Variants in MMRN2 observed in about 807,000 individuals in gnomAD.
The protein encoded by MMRN2 is multimerin-2.
MMRN2 carries 53 observed loss-of-function variants against 68.8 expected under a neutral mutation model. That is an observed-to-expected ratio of 0.77 (90% CI 0.62 to 0.97). The LOEUF (loss-of-function observed/expected upper bound fraction) is 0.97. MMRN2 is among the 50% of genes least tolerant of loss of function. The pLI is 0.00. For missense variants in MMRN2, 1,266 were observed against 1,259.5 expected (o/e 1.01, Z -0.08); for synonymous variants, 564 against 551.6 (o/e 1.02, Z -0.32).
Position 86,943,976 on chromosome 10 carries a change from G to T in MMRN2, c.808C>A (p.Arg270Ser), listed in dbSNP as rs761816310. 2 of 1,614,008 alleles carry T rather than the reference G, an allele frequency of 1.2e-6. No individual in the cohort carries two copies. The highest frequency in any genetic ancestry group is 3.3e-5 in the Admixed American group (2 of 60,012). The change falls in exon 6 of 7, where the codon CGC (arginine) becomes AGC (serine). Residue 270 changes from arginine to serine, a missense_variant. Coordinates refer to ENST00000372027, the MANE Select transcript of MMRN2 (RefSeq NM_024756.3). This position sits in a 1 kb window ranked among gnomAD's most constrained non-coding sequence, Gnocchi z 4.2. ...TCCTGGACTCTGGAGATGGCCTGGCGGTTGGCCTCCACGTCAAGAGACAGG... is the reference window on the plus strand; with the variant it reads ...TCCTGGACTCTGGAGATGGCCTGGCTGTTGGCCTCCACGTCAAGAGACAGG... Reference protein sequence around the residue: ...RNLSLDVEANRQAISRVQDSA... With the variant: ...RNLSLDVEANSQAISRVQDSA...
intron 4 of MMRN2, 162 bp from the exon 5 acceptor site, chr10:86,944,597 T>C (rs1179496602): frequency 1.5e-6 from 1 of 683,534 alleles, no homozygotes; most frequent in Non-Finnish European, 2.4e-6. Flanking sequence ...GGCAAATGCA[T>C]AGCAAGTGAG....
intron 1 of MMRN2, among the ~76,000 whole-genome samples, chr10:86,953,847 C>A (rs12416136): frequency 0.43 from 65,964 of 152,114 alleles, 15,129 homozygotes; most frequent in East Asian, 0.7. Context: ...GTGACTGGGA[C>A]TTTCCACCTC....
rs976154456 is a variant in MMRN2, at chr10:86,944,500, C to A, written c.482-65G>T. 7.0e-6 allele frequency: 11 copies of A among 1,566,356 alleles called. No individual in the cohort carries two copies. In the East Asian group the frequency reaches 1.8e-4, roughly 26 times the overall value. On this transcript the variant is annotated intron_variant, in intron 4 of 6. Coordinates refer to ENST00000372027, the MANE Select transcript of MMRN2 (RefSeq NM_024756.3). ...CCAGGCCTGGGAAGATCACAAGGTT[C>A]AGAGAAGGAGAGTTGAAGGCTGAGA...
At position 86,936,900 on chromosome 10, in the gene MMRN2, C is replaced by G; in HGVS notation, c.2693G>C (p.Cys898Ser). 1 of 1,614,238 alleles carries G rather than the reference C, an allele frequency of 6.2e-7. No individual in the cohort carries two copies. The highest frequency in any genetic ancestry group is 1.1e-5 in the South Asian group (1 of 91,082). The stretch of plus-strand genomic sequence containing the variant: ...GCTTCCACTCCCCTGCCCAGTGGTA[C>G]AGACTGGAGTCCGATGGTGACCTCC... ...VFGGHHRTPV[C>S]TTGQGSGSTA... The change falls in exon 7 of 7, where the codon TGT becomes TCT. Residue 898 changes from cysteine (C) to serine (S), a missense_variant. By Grantham distance (112) the Cys-to-Ser change is moderately radical. Coordinates refer to ENST00000372027, the MANE Select transcript of MMRN2 (RefSeq NM_024756.3).
intron 1 of MMRN2, among the ~76,000 whole-genome samples, 164 bp downstream of exon 1, chr10:86,957,214 A>G (rs1463224296): frequency 6.6e-6 from 1 of 152,188 alleles, no homozygotes; most frequent in Non-Finnish European, 1.5e-5. Flanking sequence ...ATCCTGAAAC[A>G]CCCAGTCCAG....
At chr10:86,939,506 G>A (rs1300989169) in intron 6 of MMRN2, among the ~76,000 whole-genome samples, 1 of 144,876 alleles carries the variant, frequency 6.9e-6, no homozygotes, top group African/African-American at 2.5e-5. Flanking sequence ...TTGTGCCCAA[G>A]TCAGAGGCCG....
intron 6 of MMRN2, among the ~76,000 whole-genome samples, chr10:86,942,100 C>G (rs897383146): frequency 6.6e-6 from 1 of 152,184 alleles, no homozygotes; most frequent in African/African-American, 2.4e-5. Context: ...CTGGCACTAG[C>G]AGGTGGTTCT....
At chr10:86,956,737 C>T (rs1397971664) in intron 1 of MMRN2, among the ~76,000 whole-genome samples, 1 of 152,224 alleles carries the variant, frequency 6.6e-6, no homozygotes, top group Admixed American at 6.5e-5. Context: ...TAAACAGCAC[C>T]TGCTGCTCTG....
chr10:86,948,651 A>G (rs1258876665), intron 1 of MMRN2: 2 of 152,230 alleles, frequency 1.3e-5, no homozygotes, highest in East Asian at 3.9e-4. Context: ...GATGGAGAAA[A>G]TCATCAATGA....
Position 86,943,528 on chromosome 10 carries a change from G to T in MMRN2, c.1256C>A (p.Ser419Ter), listed in dbSNP as rs1259999856. 6.2e-7 allele frequency: 1 copy of T among 1,614,106 alleles called. No homozygotes were observed. The highest frequency in any genetic ancestry group is 1.1e-5 in the South Asian group (1 of 91,092). Reference sequence around the variant, plus strand: ...GCTAATCTGATCGAAAGTCTCGTCCGATTCGGAGTACAGTTCCTTGATCTC... The same window carrying T: ...GCTAATCTGATCGAAAGTCTCGTCCTATTCGGAGTACAGTTCCTTGATCTC... ...VDEIKELYSE[S>*]DETFDQISKV... is the part of the protein sequence containing the mutation. The change falls in exon 6 of 7, where the codon TCG (serine) becomes TAG (stop). Residue 419 changes from serine (S) to a stop codon, truncating the protein, a stop_gained. Transcript: ENST00000372027. LOFTEE classifies it high-confidence loss of function. This position sits in a 1 kb window ranked among gnomAD's most constrained non-coding sequence, Gnocchi z 4.2.
In MMRN2 at chr10:86,935,677, TAAA is replaced by T. The variant is rs1219361284; in HGVS notation, c.*1063_*1065del. 3.9e-5 allele frequency: 6 copies of T among 152,162 alleles called. No individual in the cohort carries two copies. The highest frequency in any genetic ancestry group is 1.4e-4 in the African/African-American group (6 of 41,430). The allele number at this position is 152,162 out of a possible 1,614,324, so 9.4% of individuals were successfully genotyped here. A position where few individuals can be genotyped will look rare whatever the true frequency, so the allele number is the denominator to read the frequency against. ...GATGGTCCTAAGATACTGGAGGAAGTAAAAAAGTTGAAGGCCCTACATATTTTA... is the reference window on the plus strand; with the variant it reads ...GATGGTCCTAAGATACTGGAGGAAGTAAAGTTGAAGGCCCTACATATTTTA... On this transcript the variant is annotated 3_prime_UTR_variant, in exon 7 of 7. Coordinates refer to ENST00000372027, the MANE Select transcript of MMRN2 (RefSeq NM_024756.3).
chr10:86,954,835 G>T (rs533606886), intron 1 of MMRN2, among the ~76,000 whole-genome samples: 1 of 145,556 alleles, frequency 6.9e-6, no homozygotes, highest in Non-Finnish European at 1.5e-5. Context: ...CAGGGGTCGG[G>T]GGTGGGGGTG....
In MMRN2 at chr10:86,942,710, T is replaced by A. The variant is rs1843992592; in HGVS notation, c.2074A>T (p.Thr692Ser). ...TCCCGCGCCAGCCCGGCCAGGGCGG[T>A]GGTGGCGGCCTCCTCGCGGCCCGCG... ...HDAGREEAAT[T>S]ALAGLARELQ... The change falls in exon 6 of 7, where the codon ACC (threonine) becomes TCC (serine). Residue 692 changes from threonine (T) to serine (S), a missense_variant. By Grantham distance (58) the Thr-to-Ser change is moderately conservative. Coordinates refer to ENST00000372027, the MANE Select transcript of MMRN2 (RefSeq NM_024756.3). 6.6e-7 allele frequency: 1 copy of A among 1,508,132 alleles called. No homozygotes were observed. Among genetic ancestry groups the A allele is most frequent in the Non-Finnish European group, 8.8e-7 (1 of 1,137,140 alleles). The allele number at this position is 1,508,132 out of a possible 1,614,324, so 93.4% of individuals were successfully genotyped here. A position where few individuals can be genotyped will look rare whatever the true frequency, so the allele number is the denominator to read the frequency against.
chr10:86,950,183 A>C (rs1407940585), intron 1 of MMRN2, among the ~76,000 whole-genome samples: 2 of 151,996 alleles, frequency 1.3e-5, no homozygotes, highest in Non-Finnish European at 2.9e-5. Flanking sequence ...TGTCTCTACT[A>C]AAAATACAAA....
intron 6 of MMRN2, among the ~76,000 whole-genome samples, chr10:86,940,515 G>A (rs376599859): frequency 3.9e-5 from 6 of 152,310 alleles, no homozygotes; most frequent in East Asian, 3.9e-4. Context: ...CGTTGACTGC[G>A]TTCCTACATG....
intron 6 of MMRN2, among the ~76,000 whole-genome samples, chr10:86,939,637 C>T (rs1052690705): frequency 6.6e-6 from 1 of 152,066 alleles, no homozygotes; most frequent in African/African-American, 2.4e-5. Flanking sequence ...TCCGTCCGGG[C>T]GCCTGCGCAG....
In MMRN2 at chr10:86,935,893, C is replaced by T. The variant is rs1013205397; in HGVS notation, c.*850G>A. On this transcript the variant is annotated 3_prime_UTR_variant, in exon 7 of 7. Transcript: ENST00000372027. ...TCACTGTTCCACATGGCTGGGGAGG[C>T]CTCAGGAAACTTACAATCATGGCAG... The T allele has an allele frequency of 2.6e-5, 4 of 152,330 alleles. No homozygotes were observed. The highest frequency in any genetic ancestry group is 9.7e-5 in the African/African-American group (4 of 41,410). 9.4% of individuals were successfully genotyped at this position (152,330 alleles called of 1,614,324 possible).
chr10:86,955,710 C>T (rs541138129), intron 1 of MMRN2, among the ~76,000 whole-genome samples: 6 of 152,232 alleles, frequency 3.9e-5, no homozygotes, highest in South Asian at 2.1e-4. Flanking sequence ...GGAAGCCGCG[C>T]GTTTCCTTCC....
chr10:86,943,074 C>T lies in MMRN2; in HGVS notation c.1710G>A (p.Ala570=). ...TCAGCGCGCCCACCTCGTCATCCAG[C>T]GCCTGCACTTGGCTCCGGAGCCGCG... ...ATSRLRSQVQ[A]LDDEVGALKA... Residue 570 remains alanine, a synonymous_variant, in exon 6 of 7, where the codon GCG becomes GCA. Coordinates refer to ENST00000372027, the MANE Select transcript of MMRN2 (RefSeq NM_024756.3). The surrounding 1 kb of genome is among the most constrained non-coding windows in gnomAD (Gnocchi z 4.2). 7.0e-7 allele frequency: 1 copy of T among 1,436,216 alleles called. No individual in the cohort carries two copies. The highest frequency in any genetic ancestry group is 1.5e-5 in the African/African-American group (1 of 66,512). 89.0% of individuals were successfully genotyped at this position (1,436,216 alleles called of 1,614,324 possible).
Sources: allele counts gnomAD v4.1 joint callset (sites outside exome capture counted in the v4.1 genomes callset), GRCh38; gene constraint gnomAD v4.1.1; non-coding constraint Gnocchi (gnomAD v3.1); transcripts MANE v1.5; gene names NCBI Gene and HGNC (gene_info 2026-07-23, HGNC 2026-07-21).